MCM8: variants seen among roughly 807,000 people sequenced by gnomAD.
The protein encoded by MCM8 is minichromosome maintenance 8 homologous recombination repair factor.
In MCM8, 85 loss-of-function variants were observed where a neutral mutation model predicts 98.9. The observed-to-expected ratio is 0.86, with a 90% CI of 0.72 to 1.03. The LOEUF (loss-of-function observed/expected upper bound fraction) is 1.03, where lower values mean the gene tolerates loss of function less well. Among genes scored for constraint, MCM8 ranks in the 50% least tolerant of loss-of-function variants. The probability of loss-of-function intolerance (pLI) is 0.00; values close to 1 mark genes in which losing one functional copy is unlikely to be tolerated. For synonymous variants in MCM8, 352 were observed against 338.6 expected (o/e 1.04, Z -0.44); for missense variants, 951 against 997.8 (o/e 0.95, Z 0.63).
intron 8 of MCM8, among the ~76,000 whole-genome samples, chr20:5,965,917 T>C (rs1410464728): frequency 2.6e-5 from 4 of 152,052 alleles, no homozygotes; most frequent in Non-Finnish European, 5.9e-5. Context: ...GGATCAGTAG[T>C]TCTCCAGACC....
At position 5,985,999 on chromosome 20, in the gene MCM8, GT is replaced by G. The variant is rs773116765; in HGVS notation, c.2032del (p.Tyr678ThrfsTer26). On this transcript the variant is annotated frameshift_variant, in exon 16 of 19. Coordinates refer to ENST00000610722, the MANE Select transcript of MCM8 (RefSeq NM_032485.6). LOFTEE classifies it high-confidence loss of function. ...KYIGYARQYV[Y>X]PRLSTEAARV... ...ACATTGGCTATGCTCGGCAGTATGT[GT>G]ACCCAAGGCTATCCACAGAAGCTGC... 6.2e-7 allele frequency: 1 copy of G among 1,614,100 alleles called. No homozygotes were observed. Among genetic ancestry groups the G allele is most frequent in the Admixed American group, 1.7e-5 (1 of 60,000 alleles).
At chr20:5,951,289 A>G (rs1209709245) in intron 1 of MCM8, among the ~76,000 whole-genome samples, 1 of 152,210 alleles carries the variant, frequency 6.6e-6, no homozygotes. Context: ...TTCTTTGAGC[A>G]TCAGTTTCAT....
At chr20:5,976,646 T>C (rs991598953) in intron 12 of MCM8, among the ~76,000 whole-genome samples, 3 of 152,226 alleles carry the variant, frequency 2.0e-5, no homozygotes, top group Non-Finnish European at 4.4e-5. Context: ...TGCCATGCAC[T>C]GCGCGTGCCC....
intron 17 of MCM8, among the ~76,000 whole-genome samples, chr20:5,990,278 A>C (rs1401433804): frequency 6.6e-6 from 1 of 152,070 alleles, no homozygotes; most frequent in African/African-American, 2.4e-5. Flanking sequence ...GGTTTTGCCA[A>C]GTTGGCCAGG....
chr20:5,967,041 T>C (rs562272755), intron 8 of MCM8, among the ~76,000 whole-genome samples: 1 of 152,384 alleles, frequency 6.6e-6, no homozygotes, highest in Non-Finnish European at 1.5e-5. Flanking sequence ...TCTCTGGGGC[T>C]CTGCTAAGAA....
intron 12 of MCM8, 137 bp from the exon 13 acceptor site, chr20:5,977,739 T>C: frequency 2.4e-6 from 2 of 838,482 alleles, no homozygotes; most frequent in Non-Finnish European, 3.6e-6. Flanking sequence ...TACCTTTCTC[T>C]GCTGGTGATG....
Position 5,987,274 on chromosome 20 carries a change from T to C in MCM8, c.2164-8T>C. On this transcript the variant is annotated splice_region_variant and splice_polypyrimidine_tract_variant and intron_variant, in intron 16 of 18. Coordinates refer to ENST00000610722, the MANE Select transcript of MCM8 (RefSeq NM_032485.6). ...TTCGTCATCTGAAAATGGTGTTTTC[T>C]TTTAAAGGCACGAGCAAGGTTGGAA... 1 of 1,611,854 alleles carries C rather than the reference T, an allele frequency of 6.2e-7. No individual in the cohort carries two copies. Among genetic ancestry groups the C allele is most frequent in the Non-Finnish European group, 8.5e-7 (1 of 1,179,096 alleles).
chr20:5,983,123 G>T lies in MCM8; in HGVS notation c.1691G>T (p.Gly564Val), dbSNP rs1328679566. ...TSIIAAANPV[G>V]GHYNKAKTVS... ...ATTATTGCTGCTGCAAATCCAGTTG[G>T]AGGACATTACAATAAAGCCAAAACA... Residue 564 changes from glycine to valine, a missense_variant, in exon 14 of 19, where the codon GGA (glycine) becomes GTA (valine). By Grantham distance (109) the Gly-to-Val change is moderately radical. Transcript: ENST00000610722. 6.2e-7 allele frequency: 1 copy of T among 1,613,844 alleles called. No homozygotes were observed.
chr20:5,998,395 C>T lies in MCM8; in HGVS notation c.*4004C>T, dbSNP rs1223027897. On this transcript the variant is annotated 3_prime_UTR_variant, in exon 19 of 19. Coordinates refer to ENST00000610722, the MANE Select transcript of MCM8 (RefSeq NM_032485.6). ...GCAGAACTGAGGAGAGAGCCATCTT[C>T]CTCTTGCTTGTGTTCTGGTGGCATG... 1 of 152,236 alleles carries T rather than the reference C, an allele frequency of 6.6e-6. No individual in the cohort carries two copies. Among genetic ancestry groups the T allele is most frequent in the Non-Finnish European group, 1.5e-5 (1 of 68,046 alleles). 9.4% of individuals were successfully genotyped at this position (152,236 alleles called of 1,614,324 possible). A position where few individuals can be genotyped will look rare whatever the true frequency, so the allele number is the denominator to read the frequency against.
At position 5,952,630 on chromosome 20, in the gene MCM8, C is replaced by T. The variant is rs868814789; in HGVS notation, c.253+102C>T. ...ACTGTAATTCATTTACTAACATATA[C>T]CTGCTTTAATCTTAGTTCACCCAAA... On this transcript the variant is annotated intron_variant, in intron 3 of 18. Coordinates refer to ENST00000610722, the MANE Select transcript of MCM8 (RefSeq NM_032485.6). The T allele has an allele frequency of 1.8e-5, 17 of 940,112 alleles. No individual in the cohort carries two copies. The Middle Eastern group carries it at 3.1e-3, about 171-fold the overall frequency. 58.2% of individuals were successfully genotyped at this position (940,112 alleles called of 1,614,324 possible). A position where few individuals can be genotyped will look rare whatever the true frequency, so the allele number is the denominator to read the frequency against.
At chr20:5,973,689 C>G (rs1168894710) in intron 12 of MCM8, among the ~76,000 whole-genome samples, 1 of 152,158 alleles carries the variant, frequency 6.6e-6, no homozygotes, top group Non-Finnish European at 1.5e-5. Flanking sequence ...GAGTCACACT[C>G]TGTTGCCCAG....
chr20:5,960,229 A>G (rs1220609763), intron 7 of MCM8, among the ~76,000 whole-genome samples: 1 of 151,778 alleles, frequency 6.6e-6, no homozygotes, highest in Non-Finnish European at 1.5e-5. Flanking sequence ...CAGTTTCTTT[A>G]TCGAATTTTC....
chr20:5,988,452 ACT>A (rs937154089), intron 17 of MCM8, among the ~76,000 whole-genome samples: 93 of 149,646 alleles, frequency 6.2e-4, no homozygotes, highest in African/African-American at 2.0e-3. Flanking sequence ...ACAGAGCAAG[ACT>A]CTGTCTCAAA....
rs769497042 is a variant in MCM8 at position 5,971,996 on chromosome 20, CT to C, written c.1224-10del. 1.9e-5 allele frequency: 31 copies of C among 1,609,866 alleles called. No homozygotes were observed. Among genetic ancestry groups the C allele is most frequent in the Non-Finnish European group, 2.3e-5 (27 of 1,177,568 alleles). On this transcript the variant is annotated splice_polypyrimidine_tract_variant and intron_variant, in intron 10 of 18. Coordinates refer to ENST00000610722, the MANE Select transcript of MCM8 (RefSeq NM_032485.6). ...TAAATTAGAATTTATAAGTTGTGTT[CT>C]GTTTTTCAGCTCGCTTTGCCCTGTC...
chr20:5,983,120 T>C lies in MCM8; in HGVS notation c.1688T>C (p.Val563Ala), dbSNP rs775842279. 34 of 1,613,952 alleles carry C rather than the reference T, an allele frequency of 2.1e-5. No homozygotes were observed. In the South Asian group the frequency reaches 3.2e-4, roughly 15 times the overall value. ...TCCATTATTGCTGCTGCAAATCCAG[T>C]TGGAGGACATTACAATAAAGCCAAA... ...RTSIIAAANP[V>A]GGHYNKAKTV... Residue 563 changes from valine (V) to alanine (A), a missense_variant, in exon 14 of 19, where the codon GTT becomes GCT. By Grantham distance (64) the Val-to-Ala change is moderately conservative. Coordinates refer to ENST00000610722, the MANE Select transcript of MCM8 (RefSeq NM_032485.6).
Position 5,967,826 on chromosome 20 carries a change from A to G in MCM8, c.1028-4A>G. 6.3e-7 allele frequency: 1 copy of G among 1,597,244 alleles called. No individual in the cohort carries two copies. The highest frequency in any genetic ancestry group is 1.1e-5 in the South Asian group (1 of 88,810). On this transcript the variant is annotated splice_polypyrimidine_tract_variant and splice_region_variant and intron_variant, in intron 9 of 18. Transcript: ENST00000610722. The stretch of plus-strand genomic sequence containing the variant: ...CTATTGTATTTAACACTTTTAATTT[A>G]CAGGTTCTCGAAATAAGAATGACAA...
At chr20:5,984,733 T>C in intron 14 of MCM8, 48 bp from the exon 15 acceptor site, 4 of 1,486,738 alleles carry the variant, frequency 2.7e-6, no homozygotes, top group Non-Finnish European at 3.7e-6. Context: ...TTTCTAGTTT[T>C]TCCTTTTGAT....
rs1235948096 is a variant in MCM8 at position 5,996,203 on chromosome 20, G to GT, written c.*1815dup. On this transcript the variant is annotated 3_prime_UTR_variant, in exon 19 of 19. Transcript: ENST00000610722. ...AGTAGGAAATCACTTGAGCCCGAGA[G>GT]TTTGAGGTTACAGTGAGCTATGATT... 6.6e-6 allele frequency: 1 copy of GT among 151,924 alleles called. No individual in the cohort carries two copies. The highest frequency in any genetic ancestry group is 1.9e-4 in the East Asian group (1 of 5,186). The allele number at this position is 151,924 out of a possible 1,614,324, so 9.4% of individuals were successfully genotyped here.
At chr20:5,989,424 T>C (rs920310501) in intron 17 of MCM8, among the ~76,000 whole-genome samples, 2 of 152,140 alleles carry the variant, frequency 1.3e-5, no homozygotes, top group African/African-American at 4.8e-5. Context: ...CCTGATAGTG[T>C]AAGTTTTGTT....
Sources: allele counts gnomAD v4.1 joint callset (sites outside exome capture counted in the v4.1 genomes callset), GRCh38; gene constraint gnomAD v4.1.1; transcripts MANE v1.5; gene names NCBI Gene and HGNC (gene_info 2026-07-23, HGNC 2026-07-21).